The following LMX1B variants were observed in gnomAD, a reference collection of about 807,000 sequenced individuals.
LMX1B encodes LIM homeobox transcription factor 1-beta.
In LMX1B, 12 loss-of-function variants were observed where a neutral mutation model predicts 51.4. The ratio of observed to expected loss-of-function variants is 0.23; its 90% CI spans 0.15 to 0.38. The LOEUF (loss-of-function observed/expected upper bound fraction) is 0.38, where lower values mean the gene tolerates loss of function less well. LMX1B is among the 10% of genes least tolerant of loss of function. LMX1B has a pLI of 1.00. For missense variants in LMX1B, 445 were observed against 571.1 expected, an observed-to-expected ratio of 0.78 and a Z score of 2.25; for synonymous variants, 237 against 235.4, an observed-to-expected ratio of 1.01 and a Z score of -0.06.
At chr9:126,685,684 G>A (rs547144201) in intron 2 of LMX1B, among the ~76,000 whole-genome samples, 7 of 152,290 alleles carry the variant, frequency 4.6e-5, no homozygotes, top group African/African-American at 9.6e-5. Context: ...GTGACGGGGT[G>A]TGGGAATGGC....
intron 2 of LMX1B, among the ~76,000 whole-genome samples, chr9:126,686,659 C>A (rs1368590121): frequency 6.6e-6 from 1 of 152,136 alleles, no homozygotes; most frequent in Non-Finnish European, 1.5e-5. Flanking sequence ...GGCATGGTGC[C>A]CAGGGCCCAG....
Position 126,614,099 on chromosome 9 carries a change from TGCCGCC to T in LMX1B, c.-344_-339del, listed in dbSNP as rs1835246536. 9.7e-6 allele frequency among the ~76,000 whole-genome samples: 1 copy of T among 103,316 alleles called. No individual in the cohort carries two copies. Among genetic ancestry groups the T allele is most frequent in the Non-Finnish European group, 2.1e-5 (1 of 47,658 alleles). The allele number at this position is 103,316 out of a possible 152,430, so 67.8% of individuals were successfully genotyped here. ...CTGCACCCCCACCCCCTCCCCCGCCTGCCGCCGCCGCCACCGCCACCGCCGCCGCCG... is the reference window on the plus strand; with the variant it reads ...CTGCACCCCCACCCCCTCCCCCGCCTGCCGCCACCGCCACCGCCGCCGCCG... On this transcript the variant is annotated 5_prime_UTR_variant, in exon 1 of 8. Coordinates refer to ENST00000373474, the MANE Select transcript of LMX1B (RefSeq NM_001174147.2).
chr9:126,664,558 A>G (rs919532749), intron 2 of LMX1B, among the ~76,000 whole-genome samples: 1 of 152,190 alleles, frequency 6.6e-6, no homozygotes, highest in Admixed American at 6.5e-5. Context: ...GAGATAGCGC[A>G]TGGCCCGTAC....
rs1239314405 is a variant in LMX1B at position 126,696,927 on chromosome 9, A to T, written c.*476A>T. 2.5e-5 allele frequency: 5 copies of T among 201,924 alleles called. No homozygotes were observed. The highest frequency in any genetic ancestry group is 5.1e-5 in the Non-Finnish European group (5 of 98,404). 12.5% of individuals were successfully genotyped at this position (201,924 alleles called of 1,614,324 possible). A position where few individuals can be genotyped will look rare whatever the true frequency, so the allele number is the denominator to read the frequency against. On this transcript the variant is annotated 3_prime_UTR_variant, in exon 8 of 8. Coordinates refer to ENST00000373474, the MANE Select transcript of LMX1B (RefSeq NM_001174147.2). ...CTCTGGGGGCAGGCCCACTGCCTGGAACCGCACACCCCTCAGCCTGAGTCT... is the reference window on the plus strand; with the variant it reads ...CTCTGGGGGCAGGCCCACTGCCTGGTACCGCACACCCCTCAGCCTGAGTCT...
rs1361536570 is a variant in LMX1B at position 126,696,722 on chromosome 9, CCCCACCTCGGCCT to C, written c.*274_*286del. 1.8e-6 allele frequency: 1 copy of C among 547,478 alleles called. No individual in the cohort carries two copies. The highest frequency in any genetic ancestry group is 3.3e-6 in the Non-Finnish European group (1 of 305,582). 33.9% of individuals were successfully genotyped at this position (547,478 alleles called of 1,614,324 possible). On this transcript the variant is annotated 3_prime_UTR_variant, in exon 8 of 8. Coordinates refer to ENST00000373474, the MANE Select transcript of LMX1B (RefSeq NM_001174147.2). ...TCTCGGACGGCCACTCGCCTCCCAG[CCCCACCTCGGCCT>C]CCATCGCCTCCTCCCCATCTCTTTT...
In LMX1B at chr9:126,673,241, G is replaced by A. The variant is rs569386155; in HGVS notation, c.327-17595G>A. Among the ~76,000 whole-genome samples the A allele has an allele frequency of 1.1e-3, 174 of 152,294 alleles. No individual in the cohort carries two copies. Among genetic ancestry groups the A allele is most frequent in the African/African-American group, 3.8e-3 (160 of 41,566 alleles). On this transcript the variant is annotated intron_variant, in intron 2 of 7. Transcript: ENST00000373474. This position sits in a 1 kb window ranked among gnomAD's most constrained non-coding sequence, Gnocchi z 4.4. ...TCTGGGGGAGCCCCAGACACCACAG[G>A]GAGCCCCTACCTAGGGAAAGGGCAT... is the stretch of plus-strand genomic sequence containing the variant.
Position 126,671,749 on chromosome 9 carries a change from T to G in LMX1B, c.327-19087T>G, listed in dbSNP as rs1836457088. 6.6e-6 allele frequency among the ~76,000 whole-genome samples: 1 copy of G among 151,986 alleles called. No individual in the cohort carries two copies. The highest frequency in any genetic ancestry group is 2.4e-5 in the African/African-American group (1 of 41,376). Reference sequence around the variant, plus strand: ...CCAGGCACACAAAGGCAGTGTAATATCCTGTGGGCTTACTCGGGGAGAGTG... The same window carrying G: ...CCAGGCACACAAAGGCAGTGTAATAGCCTGTGGGCTTACTCGGGGAGAGTG... On this transcript the variant is annotated intron_variant, in intron 2 of 7. Coordinates refer to ENST00000373474, the MANE Select transcript of LMX1B (RefSeq NM_001174147.2). The surrounding 1 kb of genome is among the most constrained non-coding windows in gnomAD (Gnocchi z 4.4).
At chr9:126,693,661 C>G in intron 5 of LMX1B, 60 bp downstream of exon 5, 1 of 1,606,640 alleles carries the variant, frequency 6.2e-7, no homozygotes, top group Non-Finnish European at 8.5e-7. Flanking sequence ...AGGGGGCAGC[C>G]AGAAGACTAC....
chr9:126,648,895 G>A (rs573863178), intron 2 of LMX1B, among the ~76,000 whole-genome samples: 1 of 152,162 alleles, frequency 6.6e-6, no homozygotes. Context: ...ACTCCCAGAG[G>A]CAGAGCTCCA....
chr9:126,627,804 G>C (rs1835562848), intron 2 of LMX1B, among the ~76,000 whole-genome samples: 1 of 152,182 alleles, frequency 6.6e-6, no homozygotes. Flanking sequence ...GCTAGGACTT[G>C]TCCTGTTGTA....
intron 2 of LMX1B, among the ~76,000 whole-genome samples, chr9:126,621,180 A>T (rs1429369685): frequency 1.3e-5 from 2 of 152,380 alleles, no homozygotes; most frequent in Non-Finnish European, 2.9e-5. Flanking sequence ...TCTCACCGAC[A>T]TGAGTTATAA....
At position 126,677,435 on chromosome 9, in the gene LMX1B, C is replaced by A. The variant is rs1156415219; in HGVS notation, c.327-13401C>A. On this transcript the variant is annotated intron_variant, in intron 2 of 7. Transcript: ENST00000373474. This position sits in a 1 kb window ranked among gnomAD's most constrained non-coding sequence, Gnocchi z 5.0. ...CTACTGCTATGTCTCCACAAAAAGC[C>A]CGGCACAACAGGTCACTGGCTAGAA... 6.6e-6 allele frequency among the ~76,000 whole-genome samples: 1 copy of A among 152,194 alleles called. No individual in the cohort carries two copies.
chr9:126,641,923 G>A lies in LMX1B; in HGVS notation c.326+26354G>A, dbSNP rs965588447. On this transcript the variant is annotated intron_variant, in intron 2 of 7. Transcript: ENST00000373474. The surrounding 1 kb of genome is among the most constrained non-coding windows in gnomAD (Gnocchi z 4.1). The stretch of plus-strand genomic sequence containing the variant: ...CGTTCTCTCAGAACTCTGTGAGATA[G>A]GGACCAGCTTATCCCCATTTTACAG... Among the ~76,000 whole-genome samples the A allele has an allele frequency of 1.3e-5, 2 of 152,178 alleles. No individual in the cohort carries two copies. The highest frequency in any genetic ancestry group is 2.9e-5 in the Non-Finnish European group (2 of 68,030).
chr9:126,677,762 T>G lies in LMX1B; in HGVS notation c.327-13074T>G, dbSNP rs1179305024. ...TCATTCACAGCCTGCGTTCAAACAT[T>G]CGAGCAGGAGCACAGGGCATGTACT... On this transcript the variant is annotated intron_variant, in intron 2 of 7. Transcript: ENST00000373474. This position sits in a 1 kb window ranked among gnomAD's most constrained non-coding sequence, Gnocchi z 5.0. 6.6e-6 allele frequency among the ~76,000 whole-genome samples: 1 copy of G among 152,014 alleles called. No individual in the cohort carries two copies.
In LMX1B at chr9:126,658,283, T is replaced by C. The variant is rs1330055381; in HGVS notation, c.327-32553T>C. On this transcript the variant is annotated intron_variant, in intron 2 of 7. Transcript: ENST00000373474. The surrounding 1 kb of genome is among the most constrained non-coding windows in gnomAD (Gnocchi z 4.0). ...GGGTTTGGAGAAAGGGAGTCAAGCC[T>C]CTAAAATGAGGGAGGGACTTACTAG... 6.6e-6 allele frequency among the ~76,000 whole-genome samples: 1 copy of C among 151,940 alleles called. No individual in the cohort carries two copies. Among genetic ancestry groups the C allele is most frequent in the African/African-American group, 2.4e-5 (1 of 41,334 alleles).
At chr9:126,660,670 C>G (rs1195441377) in intron 2 of LMX1B, among the ~76,000 whole-genome samples, 1 of 152,186 alleles carries the variant, frequency 6.6e-6, no homozygotes, top group Non-Finnish European at 1.5e-5. Flanking sequence ...CATAGAAGAG[C>G]TTGGAATCCA....
intron 2 of LMX1B, among the ~76,000 whole-genome samples, chr9:126,683,676 C>T (rs898341004): frequency 6.6e-6 from 1 of 152,210 alleles, no homozygotes; most frequent in African/African-American, 2.4e-5. Flanking sequence ...GCCTGCCATC[C>T]TGGGCACCTC....
chr9:126,690,042 G>A (rs1053807416), intron 2 of LMX1B, among the ~76,000 whole-genome samples: 1 of 152,196 alleles, frequency 6.6e-6, no homozygotes, highest in Non-Finnish European at 1.5e-5. Flanking sequence ...CCAAAGGACA[G>A]AGAAAGATGG....
At chr9:126,646,949 C>T (rs564480246) in intron 2 of LMX1B, among the ~76,000 whole-genome samples, 42 of 152,194 alleles carry the variant, frequency 2.8e-4, no homozygotes, top group African/African-American at 9.2e-4. Context: ...TTCAAGGGGT[C>T]GTTAAAAGGA....
Sources: allele counts gnomAD v4.1 joint callset (sites outside exome capture counted in the v4.1 genomes callset), GRCh38; gene constraint gnomAD v4.1.1; non-coding constraint Gnocchi (gnomAD v3.1); transcripts MANE v1.5; gene names NCBI Gene and HGNC (gene_info 2026-07-23, HGNC 2026-07-21).